FNDC5: variants seen among roughly 807,000 people sequenced by gnomAD.
The protein encoded by FNDC5 is fibronectin type III domain-containing protein 5.
Under a neutral mutation model 24.6 loss-of-function variants are expected in FNDC5, and 10 were observed. That is an observed-to-expected ratio of 0.41 (90% CI 0.25 to 0.69). The LOEUF is 0.69. FNDC5 is among the 30% of genes least tolerant of loss of function. The pLI is 0.34. For missense variants in FNDC5, 226 were observed against 282.9 expected (o/e 0.80, Z 1.44); for synonymous variants, 90 against 110.7 (o/e 0.81, Z 1.18).
At position 32,867,854 on chromosome 1, in the gene FNDC5, G is replaced by A; in HGVS notation, c.410-12C>T. ...CATGGTTACCTCATCTGCAGGGAGAGAGACACTAGATCCAGCACTCCTTTC... is the reference window on the plus strand; with the variant it reads ...CATGGTTACCTCATCTGCAGGGAGAAAGACACTAGATCCAGCACTCCTTTC... On this transcript the variant is annotated splice_polypyrimidine_tract_variant and intron_variant, in intron 3 of 5. Transcript: ENST00000373471. 2 of 1,613,368 alleles carry A rather than the reference G, an allele frequency of 1.2e-6. No homozygotes were observed. The highest frequency in any genetic ancestry group is 1.7e-6 in the Non-Finnish European group (2 of 1,179,444).
At chr1:32,867,678 G>T in intron 4 of FNDC5, 75 bp downstream of exon 4, 1 of 1,416,380 alleles carries the variant, frequency 7.1e-7, no homozygotes, top group Non-Finnish European at 9.8e-7. Context: ...TTTTTTTCAT[G>T]AGAGAAGGGG....
At chr1:32,865,394 C>G (rs1205700707) in intron 4 of FNDC5, among the ~76,000 whole-genome samples, 1 of 150,978 alleles carries the variant, frequency 6.6e-6, no homozygotes, top group Admixed American at 6.6e-5. Context: ...CCACCATGCC[C>G]GGCAATCCCA....
intron 1 of FNDC5, among the ~76,000 whole-genome samples, chr1:32,869,573 C>T (rs1399990691): frequency 6.6e-6 from 1 of 152,186 alleles, no homozygotes; most frequent in Non-Finnish European, 1.5e-5. Flanking sequence ...CTGTGTGAGC[C>T]TCTTATCCAT....
At position 32,870,794 on chromosome 1, in the gene FNDC5, C is replaced by A; in HGVS notation, c.-48G>T. On this transcript the variant is annotated 5_prime_UTR_variant, in exon 1 of 6. Coordinates refer to ENST00000373471, the MANE Select transcript of FNDC5 (RefSeq NM_153756.3). The stretch of plus-strand genomic sequence containing the variant: ...CCCGGGGCGGCGCAGGGGGACGCGG[C>A]TCCGGCGCCCGGCGGCCGCTCGCGC... The A allele has an allele frequency of 1.2e-6, 1 of 853,116 alleles. No individual in the cohort carries two copies. Among genetic ancestry groups the A allele is most frequent in the Non-Finnish European group, 1.4e-6 (1 of 711,762 alleles). 52.8% of individuals were successfully genotyped at this position (853,116 alleles called of 1,614,324 possible). A position where few individuals can be genotyped will look rare whatever the true frequency, so the allele number is the denominator to read the frequency against.
upstream of FNDC5, among the ~76,000 whole-genome samples, chr1:32,871,854 G>GC (rs1641190242): frequency 1.3e-5 from 2 of 152,312 alleles, no homozygotes; most frequent in East Asian, 3.9e-4. Flanking sequence ...AGTGGCTCCA[G>GC]CCCCCTTCCC....
upstream of FNDC5, among the ~76,000 whole-genome samples, chr1:32,871,811 G>A (rs12086009): frequency 0.028 from 4,238 of 152,286 alleles, 193 homozygotes; most frequent in African/African-American, 0.096. Flanking sequence ...AAAACAGTCT[G>A]CAGCAATCTC....
chr1:32,868,212 C>T lies in FNDC5; in HGVS notation c.387G>A (p.Glu129=), dbSNP rs757797906. 2.5e-6 allele frequency: 4 copies of T among 1,614,070 alleles called. No homozygotes were observed. Among genetic ancestry groups the T allele is most frequent in the Admixed American group, 1.7e-5 (1 of 60,002 alleles). Residue 129 remains glutamate (E), a synonymous_variant, in exon 3 of 6, where the codon GAG becomes GAA. Transcript: ENST00000373471. The surrounding 1 kb of genome is among the most constrained non-coding windows in gnomAD (Gnocchi z 4.8). Reference sequence around the variant, plus strand: ...TGCCTTTGTTCTTGGAGGCCATCTTCTCAGCCTCACGCGGGGTCTTGAAGA... The same window carrying T: ...TGCCTTTGTTCTTGGAGGCCATCTTTTCAGCCTCACGCGGGGTCTTGAAGA...
At chr1:32,869,941 G>A (rs1376665741) in intron 1 of FNDC5, among the ~76,000 whole-genome samples, 1 of 152,110 alleles carries the variant, frequency 6.6e-6, no homozygotes, top group Non-Finnish European at 1.5e-5. Context: ...GCCAGACATG[G>A]AGGGGGAGGT....
chr1:32,864,527 GT>G, intron 5 of FNDC5, 136 bp downstream of exon 5: 1 of 1,539,098 alleles, frequency 6.5e-7, no homozygotes, highest in Non-Finnish European at 8.7e-7. Context: ...GTGTCCCTGT[GT>G]CACACAGGCA....
chr1:32,867,667 CT>C, intron 4 of FNDC5, 85 bp downstream of exon 4: 21 of 1,356,196 alleles, frequency 1.5e-5, no homozygotes, highest in East Asian at 2.3e-5. Flanking sequence ...ACCCCTTACC[CT>C]TTTTTTCATG....
In FNDC5 at chr1:32,863,602, T is replaced by C; in HGVS notation, c.*692A>G. On this transcript the variant is annotated 3_prime_UTR_variant, in exon 6 of 6. Coordinates refer to ENST00000373471, the MANE Select transcript of FNDC5 (RefSeq NM_153756.3). Reference sequence around the variant, plus strand: ...TGTAGTGCAGCCTCCTTCATCTGACTAGGACAAGGAGAAGAGAGAACTGTG... The same window carrying C: ...TGTAGTGCAGCCTCCTTCATCTGACCAGGACAAGGAGAAGAGAGAACTGTG... 1 of 899,426 alleles carries C rather than the reference T, an allele frequency of 1.1e-6. No individual in the cohort carries two copies. The highest frequency in any genetic ancestry group is 1.6e-6 in the Non-Finnish European group (1 of 632,132). 55.7% of individuals were successfully genotyped at this position (899,426 alleles called of 1,614,324 possible). A position where few individuals can be genotyped will look rare whatever the true frequency, so the allele number is the denominator to read the frequency against.
chr1:32,870,808 G>A lies in FNDC5; in HGVS notation c.-62C>T. On this transcript the variant is annotated 5_prime_UTR_variant, in exon 1 of 6. Transcript: ENST00000373471. The stretch of plus-strand genomic sequence containing the variant: ...GGGGGACGCGGCTCCGGCGCCCGGC[G>A]GCCGCTCGCGCTCGCGCTCCGGCCC... 1.4e-6 allele frequency: 1 copy of A among 707,410 alleles called. No homozygotes were observed. The allele number at this position is 707,410 out of a possible 1,614,324, so 43.8% of individuals were successfully genotyped here. A position where few individuals can be genotyped will look rare whatever the true frequency, so the allele number is the denominator to read the frequency against.
In FNDC5 at chr1:32,870,772, G is replaced by A. The variant is rs887993938; in HGVS notation, c.-26C>T. The A allele has an allele frequency of 2.2e-5, 23 of 1,022,986 alleles. No homozygotes were observed. The highest frequency in any genetic ancestry group is 2.7e-5 in the Non-Finnish European group (23 of 850,724). 63.4% of individuals were successfully genotyped at this position (1,022,986 alleles called of 1,614,324 possible). A position where few individuals can be genotyped will look rare whatever the true frequency, so the allele number is the denominator to read the frequency against. On this transcript the variant is annotated 5_prime_UTR_variant, in exon 1 of 6. Transcript: ENST00000373471. ...GGTGGCTCCTCCGGCCGGCAGGCCC[G>A]GGGCGGCGCAGGGGGACGCGGCTCC...
At position 32,864,174 on chromosome 1, in the gene FNDC5, G is replaced by A. The variant is rs1641023633; in HGVS notation, c.*120C>T. 1 of 1,602,242 alleles carries A rather than the reference G, an allele frequency of 6.2e-7. No individual in the cohort carries two copies. Among genetic ancestry groups the A allele is most frequent in the Non-Finnish European group, 8.5e-7 (1 of 1,173,596 alleles). The stretch of plus-strand genomic sequence containing the variant: ...AAGCCAGAGGGTACAAGGAGATGGA[G>A]GGAAGAGATGTAGAGAGGGCCAGAT... On this transcript the variant is annotated 3_prime_UTR_variant, in exon 6 of 6. Transcript: ENST00000373471.
At chr1:32,870,984 G>A (rs1364015371), upstream of FNDC5, 1 of 148,664 alleles carries the variant, frequency 6.7e-6, no homozygotes, top group Non-Finnish European at 1.5e-5. Context: ...CCGCTGCGGG[G>A]AGAGGTGCGG....
At chr1:32,864,386 C>T in intron 5 of FNDC5, 87 bp from the exon 6 acceptor site, 7 of 1,581,836 alleles carry the variant, frequency 4.4e-6, no homozygotes, top group Non-Finnish European at 5.2e-6. Context: ...ATGGGCCAGA[C>T]ACCCCACTCC....
In FNDC5 at chr1:32,870,681, G is replaced by T; in HGVS notation, c.66C>A (p.Gly22=). 1 of 1,206,550 alleles carries T rather than the reference G, an allele frequency of 8.3e-7. No individual in the cohort carries two copies. The highest frequency in any genetic ancestry group is 1.0e-6 in the Non-Finnish European group (1 of 971,648). 74.7% of individuals were successfully genotyped at this position (1,206,550 alleles called of 1,614,324 possible). A position where few individuals can be genotyped will look rare whatever the true frequency, so the allele number is the denominator to read the frequency against. Residue 22 remains glycine (G), a synonymous_variant, in exon 1 of 6, where the codon GGC becomes GGA. Transcript: ENST00000373471. ...CCTGCACCAGCGCGAAGCAGACGCAGCCCAGCCACAGGCGGAGCGCGGCGC... is the reference window on the plus strand; with the variant it reads ...CCTGCACCAGCGCGAAGCAGACGCATCCCAGCCACAGGCGGAGCGCGGCGC...
Position 32,864,263 on chromosome 1 carries a change from T to C in FNDC5, c.*31A>G, listed in dbSNP as rs529875998. 1 of 1,614,204 alleles carries C rather than the reference T, an allele frequency of 6.2e-7. No individual in the cohort carries two copies. Among genetic ancestry groups the C allele is most frequent in the Non-Finnish European group, 8.5e-7 (1 of 1,180,022 alleles). On this transcript the variant is annotated 3_prime_UTR_variant, in exon 6 of 6. Transcript: ENST00000373471. Reference sequence around the variant, plus strand: ...TCACATTCTCTACTGTCTGTCTTCTTAGCTGCTGAGGGCAAGCACTGAAAA... The same window carrying C: ...TCACATTCTCTACTGTCTGTCTTCTCAGCTGCTGAGGGCAAGCACTGAAAA...
upstream of FNDC5, among the ~76,000 whole-genome samples, chr1:32,871,840 G>C (rs1641189896): frequency 6.6e-6 from 1 of 152,196 alleles, no homozygotes; most frequent in South Asian, 2.1e-4. Context: ...TCTCTGAGAA[G>C]GGGAGTGGCT....
Sources: gnomAD v4.1 joint callset for allele counts (sites outside exome capture counted in the v4.1 genomes callset) on GRCh38, gnomAD v4.1.1 for gene constraint, Gnocchi (gnomAD v3.1) non-coding constraint, MANE v1.5 for transcripts, NCBI Gene and HGNC (gene_info 2026-07-23, HGNC 2026-07-21) for gene names.